The following EGFR variants were observed in gnomAD, a reference collection of about 807,000 sequenced individuals.
The protein encoded by EGFR is avian erythroblastic leukemia viral (v-erb-b) oncogene homolog.
Under a neutral mutation model 143.0 loss-of-function variants are expected in EGFR, and 58 were observed. The observed-to-expected ratio is 0.41, with a 90% confidence interval of 0.33 to 0.50. The LOEUF is 0.50. Ranked by LOEUF, EGFR falls within the 20% of genes least tolerant of loss-of-function variation. EGFR has a pLI of 0.39. For missense variants in EGFR, 1,307 were observed against 1,579.0 expected (o/e 0.83, Z 2.92); for synonymous variants, 613 against 594.4 (o/e 1.03, Z -0.45).
chr7:55,161,892 A>G (rs150592259), intron 13 of EGFR, among the ~76,000 whole-genome samples: 152 of 152,314 alleles, frequency 1.0e-3, no homozygotes, highest in Middle Eastern at 3.4e-3. Context: ...TCCTGGAAGT[A>G]TCTTAAATTT....
rs1312946581 is a variant in EGFR at position 55,035,482 on chromosome 7, G to A, written c.88+16117G>A. On this transcript the variant is annotated intron_variant, in intron 1 of 27. Coordinates refer to ENST00000275493, the MANE Select transcript of EGFR (RefSeq NM_005228.5). ...GAGGTTGGGAGTTCAAGACCAGCCT[G>A]GCCAACATAGCAAAACCCCGTCTTC... 2.0e-5 allele frequency among the ~76,000 whole-genome samples: 3 copies of A among 149,348 alleles called. No individual in the cohort carries two copies. In the Admixed American group the frequency reaches 2.0e-4, roughly 10 times the overall value.
chr7:55,178,463 T>A (rs1265869023), intron 19 of EGFR, among the ~76,000 whole-genome samples: 2 of 152,174 alleles, frequency 1.3e-5, no homozygotes, highest in Non-Finnish European at 2.9e-5. Context: ...ACAGAGGACC[T>A]GGGGCGCCTC....
chr7:55,055,198 T>C (rs1788736029), intron 1 of EGFR, among the ~76,000 whole-genome samples: 1 of 152,212 alleles, frequency 6.6e-6, no homozygotes, highest in South Asian at 2.1e-4. Flanking sequence ...TCTATAGTGC[T>C]GCTGAAAGAA....
intron 19 of EGFR, chr7:55,180,321 C>T (rs781135286): frequency 3.9e-5 from 6 of 152,196 alleles, no homozygotes; most frequent in Non-Finnish European, 8.8e-5. Flanking sequence ...TTGGGGATTC[C>T]CTCATTCTCA....
intron 16 of EGFR, 80 bp from the exon 17 acceptor site, chr7:55,172,903 C>A (rs2128952239): frequency 6.2e-7 from 1 of 1,612,922 alleles, no homozygotes; most frequent in Non-Finnish European, 8.5e-7. Flanking sequence ...TGCACTGAAA[C>A]ATGCAGGGGC....
At chr7:55,022,061 G>C (rs1321228192) in intron 1 of EGFR, among the ~76,000 whole-genome samples, 1 of 152,198 alleles carries the variant, frequency 6.6e-6, no homozygotes, top group African/African-American at 2.4e-5. Flanking sequence ...CGATGAGCCT[G>C]TCTGAAGCTT....
chr7:55,161,761 T>A (rs1050968225), intron 13 of EGFR, 130 bp downstream of exon 13: 4 of 1,510,298 alleles, frequency 2.6e-6, no homozygotes, highest in Non-Finnish European at 2.7e-6. Flanking sequence ...TTGGAGGTTT[T>A]GGGTTTTCTG....
chr7:55,053,437 A>G (rs766327548), intron 1 of EGFR, among the ~76,000 whole-genome samples: 1 of 152,218 alleles, frequency 6.6e-6, no homozygotes, highest in East Asian at 1.9e-4. Flanking sequence ...TCCTGTGGCA[A>G]CTTGTGAAGA....
chr7:55,192,374 C>T (rs1787436025), intron 21 of EGFR, among the ~76,000 whole-genome samples: 2 of 152,192 alleles, frequency 1.3e-5, no homozygotes, highest in African/African-American at 4.8e-5. Context: ...TGCGCGTCCC[C>T]TGTCAGGCCC....
intron 1 of EGFR, among the ~76,000 whole-genome samples, chr7:55,067,851 CCT>C (rs1789595216): frequency 6.6e-6 from 1 of 150,684 alleles, no homozygotes; most frequent in African/African-American, 2.5e-5. Flanking sequence ...CACGTGTGCG[CCT>C]GTGTGTGTCT....
chr7:55,157,509 C>T (rs1785489321), intron 10 of EGFR, among the ~76,000 whole-genome samples, 154 bp from the exon 11 acceptor site: 1 of 152,254 alleles, frequency 6.6e-6, no homozygotes, highest in African/African-American at 2.4e-5. Flanking sequence ...TGCGCATGTA[C>T]ACTCAGAGAA....
At chr7:55,064,860 T>C (rs111569546) in intron 1 of EGFR, among the ~76,000 whole-genome samples, 2,446 of 152,306 alleles carry the variant, frequency 0.016, 73 homozygotes, top group African/African-American at 0.055. Flanking sequence ...GGCTCCATCA[T>C]TTCTGTTTTA....
At chr7:55,097,638 C>T (rs900453616) in intron 1 of EGFR, among the ~76,000 whole-genome samples, 1 of 152,206 alleles carries the variant, frequency 6.6e-6, no homozygotes, top group African/African-American at 2.4e-5. Flanking sequence ...ATACGTGTCA[C>T]TTTGTACCTG....
chr7:55,156,879 TAGAG>T, intron 10 of EGFR, 47 bp downstream of exon 10: 4 of 1,613,494 alleles, frequency 2.5e-6, no homozygotes, highest in South Asian at 1.1e-5. Flanking sequence ...ATCAGTGTTT[TAGAG>T]AGAGAACTTT....
chr7:55,170,841 C>G, intron 15 of EGFR: 1 of 1,412,496 alleles, frequency 7.1e-7, no homozygotes, highest in Non-Finnish European at 9.2e-7. Flanking sequence ...TCCTTCTGCC[C>G]CTCTGTTTGA....
intron 1 of EGFR, among the ~76,000 whole-genome samples, chr7:55,115,866 A>G (rs189939736): frequency 3.3e-5 from 5 of 152,360 alleles, no homozygotes; most frequent in African/African-American, 1.2e-4. Flanking sequence ...TCATCAGGAC[A>G]ACATGGTTTG....
chr7:55,098,892 T>C (rs1791637385), intron 1 of EGFR, among the ~76,000 whole-genome samples: 1 of 152,128 alleles, frequency 6.6e-6, no homozygotes, highest in Non-Finnish European at 1.5e-5. Flanking sequence ...GCTAATTAAG[T>C]GATTTGATTC....
chr7:55,106,907 T>C (rs1166301527), intron 1 of EGFR, among the ~76,000 whole-genome samples: 1 of 152,218 alleles, frequency 6.6e-6, no homozygotes, highest in Admixed American at 6.5e-5. Flanking sequence ...TGGAATTGTC[T>C]TCAACTCTTA....
chr7:55,197,133 A>G (rs1308402870), intron 22 of EGFR, among the ~76,000 whole-genome samples: 1 of 152,172 alleles, frequency 6.6e-6, no homozygotes, highest in Non-Finnish European at 1.5e-5. Flanking sequence ...GATTCTTTCT[A>G]TCCATGAGCA....
Sources: allele counts gnomAD v4.1 joint callset (sites outside exome capture counted in the v4.1 genomes callset), GRCh38; gene constraint gnomAD v4.1.1; transcripts MANE v1.5; gene names NCBI Gene and HGNC (gene_info 2026-07-23, HGNC 2026-07-21).